SYNDIG1: variants seen among roughly 807,000 people sequenced by gnomAD.
SYNDIG1 encodes the protein synapse differentiation-inducing gene protein 1.
Under a neutral mutation model 19.4 loss-of-function variants are expected in SYNDIG1, and 9 were observed. The ratio of observed to expected loss-of-function variants is 0.46; its 90% CI spans 0.28 to 0.81. The LOEUF is 0.81. Among genes scored for constraint, SYNDIG1 ranks in the 30% least tolerant of loss-of-function variants. The probability of loss-of-function intolerance (pLI) is 0.12; values close to 1 mark genes in which losing one functional copy is unlikely to be tolerated. For synonymous variants in SYNDIG1, 141 were observed against 145.9 expected (o/e 0.97, Z 0.24); for missense variants, 311 against 343.3 (o/e 0.91, Z 0.74).
At chr20:24,566,882 C>T (rs568156256) in intron 2 of SYNDIG1, among the ~76,000 whole-genome samples, 29 of 152,250 alleles carry the variant, frequency 1.9e-4, no homozygotes, top group South Asian at 1.2e-3. Flanking sequence ...CCACCCTGAG[C>T]GGGAAGGACA....
intron 1 of SYNDIG1, among the ~76,000 whole-genome samples, chr20:24,472,289 A>C (rs1338083195): frequency 1.3e-5 from 2 of 152,240 alleles, no homozygotes; most frequent in Non-Finnish European, 2.9e-5. Context: ...GACTCATTCT[A>C]ATTCATGAAG....
At chr20:24,628,423 G>A (rs1389916956) in intron 3 of SYNDIG1, among the ~76,000 whole-genome samples, 1 of 152,170 alleles carries the variant, frequency 6.6e-6, no homozygotes, top group East Asian at 1.9e-4. Flanking sequence ...ATTGGTGTGT[G>A]GACCATCAAC....
chr20:24,581,489 C>T (rs1450562189), intron 2 of SYNDIG1, among the ~76,000 whole-genome samples: 1 of 152,048 alleles, frequency 6.6e-6, no homozygotes, highest in Non-Finnish European at 1.5e-5. Flanking sequence ...GAGTCTTGGA[C>T]ATGGGTTGGT....
At chr20:24,600,492 C>T (rs2058662714) in intron 3 of SYNDIG1, among the ~76,000 whole-genome samples, 1 of 152,126 alleles carries the variant, frequency 6.6e-6, no homozygotes, top group Non-Finnish European at 1.5e-5. Context: ...TGCCCTTCCT[C>T]CCCACCCAGT....
intron 1 of SYNDIG1, among the ~76,000 whole-genome samples, chr20:24,504,391 A>G (rs767523905): frequency 1.3e-5 from 2 of 152,198 alleles, no homozygotes; most frequent in South Asian, 4.1e-4. Flanking sequence ...CCCTATGCGT[A>G]GCAAAAAGGC....
intron 1 of SYNDIG1, among the ~76,000 whole-genome samples, chr20:24,496,407 T>C (rs1409450173): frequency 2.0e-5 from 3 of 152,238 alleles, no homozygotes; most frequent in African/African-American, 7.2e-5. Context: ...ATGAGATGTC[T>C]TGTAGCTCTC....
At chr20:24,592,706 T>C (rs2058532173) in intron 3 of SYNDIG1, among the ~76,000 whole-genome samples, 1 of 152,220 alleles carries the variant, frequency 6.6e-6, no homozygotes, top group African/African-American at 2.4e-5. Flanking sequence ...CTCAGCCTCC[T>C]AAACTCAACC....
chr20:24,649,285 C>T (rs2059447950), intron 3 of SYNDIG1, among the ~76,000 whole-genome samples: 2 of 152,260 alleles, frequency 1.3e-5, no homozygotes, highest in South Asian at 4.2e-4. Flanking sequence ...GTTTACTCCC[C>T]TCATTCAGTT....
intron 3 of SYNDIG1, among the ~76,000 whole-genome samples, chr20:24,645,922 G>A (rs943545022): frequency 2.0e-5 from 3 of 152,166 alleles, no homozygotes; most frequent in East Asian, 1.9e-4. Flanking sequence ...TGGTTTGCAG[G>A]AGTCAAGGCA....
At chr20:24,576,602 G>T (rs1248647640) in intron 2 of SYNDIG1, among the ~76,000 whole-genome samples, 10 of 152,122 alleles carry the variant, frequency 6.6e-5, no homozygotes, top group African/African-American at 2.2e-4. Flanking sequence ...CTCACAGATC[G>T]CATCTGAGCA....
rs201022632 is a variant in SYNDIG1, at chr20:24,543,402, G to T, written c.305G>T (p.Trp102Leu). The change falls in exon 2 of 4, where the codon TGG becomes TTG. Residue 102 changes from tryptophan (W) to leucine (L), a missense_variant. Trp to Leu is a moderately conservative substitution (Grantham distance 61). Coordinates refer to ENST00000376862, the MANE Select transcript of SYNDIG1 (RefSeq NM_024893.3). ...TATTCAGAGGGCGTGCTGCGCTCCT[G>T]GGGGGACGGTGTGGCCGCCGACTGC... is the stretch of plus-strand genomic sequence containing the variant. ...ILYSEGVLRSWGDGVAADCCE... is the reference protein window; with the variant it reads ...ILYSEGVLRSLGDGVAADCCE... 50 of 1,613,538 alleles carry T rather than the reference G, an allele frequency of 3.1e-5. No individual in the cohort carries two copies. Among genetic ancestry groups the T allele is most frequent in the South Asian group, 1.8e-4 (16 of 91,082 alleles).
chr20:24,524,393 C>G (rs1366144668), intron 1 of SYNDIG1, among the ~76,000 whole-genome samples: 3 of 152,172 alleles, frequency 2.0e-5, no homozygotes, highest in Admixed American at 1.3e-4. Flanking sequence ...CGCCAGTAAT[C>G]CCAGCACTTT....
At chr20:24,507,703 C>T (rs1239297668) in intron 1 of SYNDIG1, among the ~76,000 whole-genome samples, 4 of 152,176 alleles carry the variant, frequency 2.6e-5, no homozygotes, top group Non-Finnish European at 2.9e-5. Flanking sequence ...TGAGCAGTAT[C>T]GGGTGTGAGC....
intron 1 of SYNDIG1, among the ~76,000 whole-genome samples, chr20:24,539,642 G>C (rs1002349347): frequency 6.6e-6 from 1 of 152,112 alleles, no homozygotes; most frequent in Admixed American, 6.6e-5. Context: ...GCTACTGATC[G>C]CACTGAATCT....
Position 24,666,521 on chromosome 20 carries a change from A to G in SYNDIG1, c.*1017A>G, listed in dbSNP as rs2147423295. The G allele has an allele frequency of 6.5e-6, 1 of 152,780 alleles. No individual in the cohort carries two copies. The highest frequency in any genetic ancestry group is 2.4e-5 in the African/African-American group (1 of 41,576). The allele number at this position is 152,780 out of a possible 1,614,324, so 9.5% of individuals were successfully genotyped here. ...TGCTGAGAAATAAGTAATCACAGAC[A>G]TTTTAATACCATTTCATTGCTGTTT... On this transcript the variant is annotated 3_prime_UTR_variant, in exon 4 of 4. Transcript: ENST00000376862.
At chr20:24,617,520 G>A (rs1266080713) in intron 3 of SYNDIG1, among the ~76,000 whole-genome samples, 1 of 152,134 alleles carries the variant, frequency 6.6e-6, no homozygotes, top group Non-Finnish European at 1.5e-5. Context: ...CTGCCCTCCG[G>A]GTGCTCCTGA....
chr20:24,569,598 T>A (rs1187648774), intron 2 of SYNDIG1, among the ~76,000 whole-genome samples: 1 of 152,184 alleles, frequency 6.6e-6, no homozygotes, highest in East Asian at 1.9e-4. Flanking sequence ...CTGACTAACC[T>A]GTATCTTAAG....
chr20:24,540,929 C>G (rs1405371720), intron 1 of SYNDIG1, among the ~76,000 whole-genome samples: 1 of 152,196 alleles, frequency 6.6e-6, no homozygotes, highest in Non-Finnish European at 1.5e-5. Flanking sequence ...GAAGTGCTCA[C>G]TTCTCTTCAG....
intron 3 of SYNDIG1, among the ~76,000 whole-genome samples, chr20:24,606,795 A>C (rs1000763212): frequency 6.6e-6 from 1 of 152,202 alleles, no homozygotes; most frequent in African/African-American, 2.4e-5. Flanking sequence ...GATTGGAGTC[A>C]GCAGAAGGCT....
Sources: gnomAD v4.1 joint callset for allele counts (sites outside exome capture counted in the v4.1 genomes callset) on GRCh38, gnomAD v4.1.1 for gene constraint, MANE v1.5 for transcripts, NCBI Gene and HGNC (gene_info 2026-07-23, HGNC 2026-07-21) for gene names.